The following GSN variants were observed in gnomAD, a reference collection of about 807,000 sequenced individuals.
GSN encodes the protein gelsolin.
Under a neutral mutation model 85.7 loss-of-function variants are expected in GSN, and 56 were observed. The ratio of observed to expected loss-of-function variants is 0.65; its 90% CI spans 0.53 to 0.82. GSN has a LOEUF of 0.82. Ranked by LOEUF, GSN falls within the 40% of genes least tolerant of loss-of-function variation. The pLI, the probability that GSN is intolerant of heterozygous loss-of-function variation, is 0.00. For synonymous variants in GSN, 373 were observed against 399.1 expected, an observed-to-expected ratio of 0.93 and a Z score of 0.78; for missense variants, 857 against 979.8, an observed-to-expected ratio of 0.87 and a Z score of 1.67.
chr9:121,305,650 C>T (rs879385230), intron 4 of GSN, among the ~76,000 whole-genome samples: 12 of 152,202 alleles, frequency 7.9e-5, no homozygotes, highest in African/African-American at 2.4e-4. Context: ...CCAGGTTCCC[C>T]GGCCCCCCGA....
exon 5 of GSN, chr9:121,231,204 A>G (rs1180758006): frequency 6.6e-6 from 1 of 152,226 alleles, no homozygotes; most frequent in Admixed American, 6.5e-5. Flanking sequence ...CTCGCTGTGA[A>G]AAACGCTCCA....
intron 2 of GSN, chr9:121,285,219 C>T (rs530107224): frequency 2.2e-4 from 36 of 167,264 alleles, no homozygotes; most frequent in African/African-American, 8.2e-4. Flanking sequence ...TGGTGTATAA[C>T]GATGGCTGTG....
chr9:121,290,837 T>G (rs1002632280), intron 2 of GSN, among the ~76,000 whole-genome samples: 1 of 152,184 alleles, frequency 6.6e-6, no homozygotes, highest in Non-Finnish European at 1.5e-5. Context: ...TAAATTTTTA[T>G]TTTTGTTATT....
At chr9:121,250,269 A>G (rs1334551912) in intron 6 of GSN, among the ~76,000 whole-genome samples, 1 of 149,412 alleles carries the variant, frequency 6.7e-6, no homozygotes, top group Admixed American at 6.7e-5. Context: ...CAGTGGCACA[A>G]TCTTGGCTCA....
At chr9:121,202,742 C>T in the GSN span, among the ~76,000 whole-genome samples, 83 of 152,258 alleles carry the variant, frequency 5.5e-4, 2 homozygotes, top group South Asian at 0.016. Context: ...ACATATTTTA[C>T]AACTGCATTG....
chr9:121,312,193 C>A, intron 5 of GSN, 146 bp from the exon 6 acceptor site: 1 of 784,688 alleles, frequency 1.3e-6, no homozygotes, highest in Non-Finnish European at 2.2e-6. Flanking sequence ...GTAAATAATG[C>A]ACGTGTGCAG....
chr9:121,323,085 C>T (rs2062693210), intron 11 of GSN, among the ~76,000 whole-genome samples: 3 of 152,124 alleles, frequency 2.0e-5, no homozygotes, highest in Admixed American at 2.0e-4. Context: ...CCTGCCCCAG[C>T]CTCCCAAAGT....
At chr9:121,330,461 C>T (rs1275654639) in intron 16 of GSN, among the ~76,000 whole-genome samples, 1 of 152,062 alleles carries the variant, frequency 6.6e-6, no homozygotes, top group African/African-American at 2.4e-5. Context: ...TATAATCCCA[C>T]CTACTTGGGA....
At chr9:121,219,725 G>A (rs1239353290) in intron 4 of GSN, among the ~76,000 whole-genome samples, 1 of 152,108 alleles carries the variant, frequency 6.6e-6, no homozygotes, top group East Asian at 1.9e-4. Flanking sequence ...GTAAAAATGA[G>A]TGGCACCAGA....
chr9:121,303,229 G>A (rs2133240568), intron 4 of GSN, among the ~76,000 whole-genome samples, 164 bp downstream of exon 4: 1 of 152,306 alleles, frequency 6.6e-6, no homozygotes, highest in South Asian at 2.1e-4. Flanking sequence ...CCTCTTTCTA[G>A]CCATGTGAGC....
intron 4 of GSN, among the ~76,000 whole-genome samples, chr9:121,305,816 G>A (rs1471666051): frequency 3.3e-5 from 5 of 152,216 alleles, no homozygotes; most frequent in Admixed American, 1.3e-4. Context: ...GTCTGCCCCC[G>A]CACTTGGCAG....
chr9:121,300,734 C>T (rs546582965), intron 2 of GSN, among the ~76,000 whole-genome samples: 1 of 152,158 alleles, frequency 6.6e-6, no homozygotes, highest in Non-Finnish European at 1.5e-5. Context: ...CCTGGTGCAT[C>T]CTCTTCTCCT....
At chr9:121,224,947 T>G (rs1437321246) in intron 4 of GSN, among the ~76,000 whole-genome samples, 2 of 151,952 alleles carry the variant, frequency 1.3e-5, no homozygotes, top group Non-Finnish European at 2.9e-5. Context: ...GCCTCCAGAG[T>G]AGCTGGGACC....
At chr9:121,285,998 A>G in intron 2 of GSN, 1 of 837,470 alleles carries the variant, frequency 1.2e-6, no homozygotes, top group South Asian at 1.5e-5. Context: ...GAGAAGAACC[A>G]TTTCCGGAAC....
In GSN at chr9:121,326,607, C is replaced by T. The variant is rs745619898; in HGVS notation, c.1512C>T (p.Gly504=). The change falls in exon 13 of 18, where the codon GGC becomes GGT. Residue 504 remains glycine (G), a synonymous_variant. Transcript: ENST00000432226. The part of the protein sequence containing the change: ...IIYKGGTSRE[G]GQTAPASTRL... The stretch of plus-strand genomic sequence containing the variant: ...ACAAGGGCGGCACCTCCCGCGAGGG[C>T]GGGCAGACAGCCCCTGCCAGCACCC... 1.6e-5 allele frequency: 25 copies of T among 1,608,052 alleles called. No individual in the cohort carries two copies. The highest frequency in any genetic ancestry group is 9.4e-5 in the African/African-American group (7 of 74,840).
chr9:121,242,123 A>G (rs1367465971), intron 5 of GSN, among the ~76,000 whole-genome samples: 1 of 152,232 alleles, frequency 6.6e-6, no homozygotes, highest in Non-Finnish European at 1.5e-5. Context: ...CTACCTCATC[A>G]ATCTTCAGGA....
intron 1 of GSN, among the ~76,000 whole-genome samples, chr9:121,274,691 G>A (rs995389504): frequency 2.0e-5 from 3 of 152,104 alleles, no homozygotes; most frequent in Non-Finnish European, 2.9e-5. Context: ...AGGGGTCAGC[G>A]GATGGAAAAT....
upstream of GSN, among the ~76,000 whole-genome samples, chr9:121,205,214 C>T (rs1241363560): frequency 1.3e-5 from 2 of 152,216 alleles, no homozygotes; most frequent in Admixed American, 1.3e-4. Flanking sequence ...ACACCATCAC[C>T]AGTAATCTGT....
Position 121,208,401 on chromosome 9 carries a change from CAA to C in GSN, c.-808+505_-808+506del, listed in dbSNP as rs2053918175. Among the ~76,000 whole-genome samples, 5 of 152,276 alleles carry C rather than the reference CAA, an allele frequency of 3.3e-5. No homozygotes were observed. In the East Asian group the frequency reaches 5.8e-4, roughly 18 times the overall value. ...AATACATGGGTTCAGATGCTGCAAA[CAA>C]GAGACTAAAGAATGATAGTGGCTTT... On this transcript the variant is annotated intron_variant, in intron 1 of 24. Coordinates refer to the GSN transcript ENST00000373823.
Sources: gnomAD v4.1 joint callset for allele counts (sites outside exome capture counted in the v4.1 genomes callset) on GRCh38, gnomAD v4.1.1 for gene constraint, MANE v1.5 for transcripts, NCBI Gene and HGNC (gene_info 2026-07-23, HGNC 2026-07-21) for gene names.